The following GOLGA3 variants were observed in gnomAD, a reference collection of about 807,000 sequenced individuals.
GOLGA3 encodes the protein golgin A3, also known as golgin subfamily A member 3.
GOLGA3 carries 75 observed loss-of-function variants against 169.4 expected under a neutral mutation model. The ratio of observed to expected loss-of-function variants is 0.44; its 90% CI spans 0.37 to 0.54. The LOEUF is 0.54. Ranked by LOEUF, GOLGA3 falls within the 20% of genes least tolerant of loss-of-function variation. GOLGA3 has a pLI of 0.00. For synonymous variants in GOLGA3, 824 were observed against 822.4 expected, an observed-to-expected ratio of 1.00 and a Z score of -0.03; for missense variants, 1,899 against 1,930.0, an observed-to-expected ratio of 0.98 and a Z score of 0.30.
chr12:132,828,186 CG>C (rs1447917347), intron 1 of GOLGA3: 2 of 152,128 alleles, frequency 1.3e-5, no homozygotes, highest in Non-Finnish European at 2.9e-5. Context: ...CTTAGAGTAG[CG>C]GACCCCACCC....
In GOLGA3 at chr12:132,798,463, G is replaced by A; in HGVS notation, c.1815C>T (p.Thr605=). 6.2e-7 allele frequency: 1 copy of A among 1,609,090 alleles called. No homozygotes were observed. The highest frequency in any genetic ancestry group is 1.7e-5 in the Admixed American group (1 of 58,630). ...TCAGGTGCTCCAGGAGACCTGCCTG[G>A]GTCATCTGTCCAACCTTAAAAAAAA... is the stretch of plus-strand genomic sequence containing the variant. ...EMAHIQVGQM[T]QAGLLEHLKL... is the part of the protein sequence containing the mutation. Residue 605 remains threonine (T), a synonymous_variant, in exon 9 of 24, where the codon ACC becomes ACT. Transcript: ENST00000450791.
chr12:132,781,521 G>A (rs982777925), intron 17 of GOLGA3, among the ~76,000 whole-genome samples: 1 of 152,092 alleles, frequency 6.6e-6, no homozygotes, highest in African/African-American at 2.4e-5. Context: ...CTGCACTCCA[G>A]CCTGAGAGAC....
chr12:132,785,973 C>A (rs937871056), intron 15 of GOLGA3, among the ~76,000 whole-genome samples: 1 of 152,234 alleles, frequency 6.6e-6, no homozygotes, highest in African/African-American at 2.4e-5. Context: ...TCAGTGAGTG[C>A]GGAGGCTGCT....
intron 4 of GOLGA3, among the ~76,000 whole-genome samples, chr12:132,809,938 G>A (rs1949620345): frequency 6.6e-6 from 1 of 151,760 alleles, no homozygotes; most frequent in Admixed American, 6.6e-5. Context: ...TTATTTTTTT[G>A]GATAAACATA....
chr12:132,799,279 A>AG (rs2136503102), intron 8 of GOLGA3, among the ~76,000 whole-genome samples: 1 of 152,346 alleles, frequency 6.6e-6, no homozygotes, highest in African/African-American at 2.4e-5. Context: ...CTGGGAATGA[A>AG]GGGATACATT....
Position 132,789,179 on chromosome 12 carries a change from G to A in GOLGA3, c.2659C>T (p.Leu887=). The change falls in exon 13 of 24, where the codon CTG becomes TTG. Residue 887 remains leucine (L), a synonymous_variant. Transcript: ENST00000450791. ...DSELKELRQE[L]MQVHGEKRTA... is the part of the protein sequence containing the mutation. The stretch of plus-strand genomic sequence containing the variant: ...CGCTTCTCCCCGTGCACTTGCATCA[G>A]CTCCTGCCGCAGCTCCTTCAGCTCC... The A allele has an allele frequency of 6.2e-7, 1 of 1,611,830 alleles. No homozygotes were observed.
chr12:132,768,962 C>G lies in GOLGA3; in HGVS notation c.*4143G>C, dbSNP rs1264067404. The G allele has an allele frequency of 1.3e-5, 2 of 152,670 alleles. No individual in the cohort carries two copies. The highest frequency in any genetic ancestry group is 2.9e-5 in the Non-Finnish European group (2 of 68,050). The allele number at this position is 152,670 out of a possible 1,614,324, so 9.5% of individuals were successfully genotyped here. A position where few individuals can be genotyped will look rare whatever the true frequency, so the allele number is the denominator to read the frequency against. ...GCACAAAATTTAAGGAATTCCCAAG[C>G]ACACTTACATTTGTAAAAAATCAAC... On this transcript the variant is annotated 3_prime_UTR_variant, in exon 24 of 24. Coordinates refer to ENST00000450791, the MANE Select transcript of GOLGA3 (RefSeq NM_001389683.1).
rs769008679 is a variant in GOLGA3, at chr12:132,774,245, C to T, written c.4219G>A (p.Ala1407Thr). ...PIKIPDCPVPASLLEELLRPP... is the reference protein window; with the variant it reads ...PIKIPDCPVPTSLLEELLRPP... ...CTCAGCAGCTCCTCCAGCAGCGAGG[C>T]GGGAACTGGGCAGTCCGGGATCTTG... is the stretch of plus-strand genomic sequence containing the variant. The change falls in exon 23 of 24, where the codon GCC becomes ACC. Residue 1407 changes from alanine (A) to threonine (T), a missense_variant. By Grantham distance (58) the Ala-to-Thr change is moderately conservative. Transcript: ENST00000450791. The T allele has an allele frequency of 6.2e-6, 10 of 1,612,496 alleles. No homozygotes were observed. The highest frequency in any genetic ancestry group is 2.2e-5 in the East Asian group (1 of 44,890).
chr12:132,779,204 C>T (rs576043743), intron 18 of GOLGA3, among the ~76,000 whole-genome samples: 19 of 152,232 alleles, frequency 1.2e-4, no homozygotes, highest in African/African-American at 2.2e-4. Context: ...CTCAGCCTCC[C>T]GAGTAGCTGG....
chr12:132,769,931 A>G lies in GOLGA3; in HGVS notation c.*3174T>C, dbSNP rs1264024619. The G allele has an allele frequency of 2.0e-5, 3 of 152,192 alleles. No homozygotes were observed. Among genetic ancestry groups the G allele is most frequent in the African/African-American group, 7.2e-5 (3 of 41,440 alleles). The allele number at this position is 152,192 out of a possible 1,614,324, so 9.4% of individuals were successfully genotyped here. A position where few individuals can be genotyped will look rare whatever the true frequency, so the allele number is the denominator to read the frequency against. On this transcript the variant is annotated 3_prime_UTR_variant, in exon 24 of 24. Coordinates refer to ENST00000450791, the MANE Select transcript of GOLGA3 (RefSeq NM_001389683.1). Reference sequence around the variant, plus strand: ...TAAAAAAACCTCAACAATAAAAAAAAGCAATTTAAAAATCCAACTGCAGCC... The same window carrying G: ...TAAAAAAACCTCAACAATAAAAAAAGGCAATTTAAAAATCCAACTGCAGCC...
In GOLGA3 at chr12:132,816,575, A is replaced by G. The variant is rs1460082802; in HGVS notation, c.371T>C (p.Leu124Pro). The G allele has an allele frequency of 6.2e-7, 1 of 1,614,026 alleles. No homozygotes were observed. The highest frequency in any genetic ancestry group is 1.7e-4 in the Middle Eastern group (1 of 6,060). The change falls in exon 3 of 24, where the codon CTC (leucine) becomes CCC (proline). Residue 124 changes from leucine (L) to proline (P), a missense_variant. Coordinates refer to ENST00000450791, the MANE Select transcript of GOLGA3 (RefSeq NM_001389683.1). ...GSVRKEALQS[L>P]RLSLPMQETQ... ...TTCTTGCATAGGAAGACTGAGTCTG[A>G]GAGACTGCAAAGCTTCTTTTCTAAC...
intron 4 of GOLGA3, among the ~76,000 whole-genome samples, chr12:132,809,603 A>G (rs184451057): frequency 6.6e-6 from 1 of 152,324 alleles, no homozygotes; most frequent in African/African-American, 2.4e-5. Flanking sequence ...GTCTGGGCAT[A>G]ACAGAAGGCT....
At chr12:132,801,232 C>T (rs1949113291) in intron 8 of GOLGA3, among the ~76,000 whole-genome samples, 1 of 152,180 alleles carries the variant, frequency 6.6e-6, no homozygotes, top group Admixed American at 6.5e-5. Flanking sequence ...TCCAACAGGA[C>T]GTAGAAAATG....
intron 18 of GOLGA3, among the ~76,000 whole-genome samples, chr12:132,778,629 T>C (rs2045377008): frequency 6.6e-6 from 1 of 151,102 alleles, no homozygotes; most frequent in South Asian, 2.1e-4. Context: ...AATAAATACA[T>C]TTAAAAAATA....
chr12:132,805,061 C>G (rs777657359), intron 6 of GOLGA3, 39 bp from the exon 7 acceptor site: 4 of 1,580,308 alleles, frequency 2.5e-6, no homozygotes, highest in East Asian at 4.5e-5. Context: ...TTTAAGAAAA[C>G]GAGTCACTTC....
At chr12:132,783,286 T>C (rs1377658981) in intron 16 of GOLGA3, among the ~76,000 whole-genome samples, 1 of 142,492 alleles carries the variant, frequency 7.0e-6, no homozygotes, top group Non-Finnish European at 1.6e-5. Flanking sequence ...GTCGTGGTCA[T>C]GGTCAGTTGC....
Position 132,804,548 on chromosome 12 carries a change from G to A in GOLGA3, c.1597+168C>T, listed in dbSNP as rs918561481. Among the ~76,000 whole-genome samples the A allele has an allele frequency of 6.6e-6, 1 of 151,302 alleles. No homozygotes were observed. Among genetic ancestry groups the A allele is most frequent in the African/African-American group, 2.4e-5 (1 of 41,158 alleles). On this transcript the variant is annotated intron_variant, in intron 7 of 23. Coordinates refer to ENST00000450791, the MANE Select transcript of GOLGA3 (RefSeq NM_001389683.1). This position sits in a 1 kb window ranked among gnomAD's most constrained non-coding sequence, Gnocchi z 4.1. ...CAGTCAGGGAAGGAGGGCGTGGCGG[G>A]GACCAGTCGAGGAAGGAGGGAGCAG... is the stretch of plus-strand genomic sequence containing the variant.
At chr12:132,778,964 T>A (rs1257292704) in intron 18 of GOLGA3, among the ~76,000 whole-genome samples, 2 of 151,232 alleles carry the variant, frequency 1.3e-5, no homozygotes, top group South Asian at 4.2e-4. Flanking sequence ...TGGGGCACCG[T>A]GTGAGCCAGC....
At chr12:132,806,970 C>T (rs1309371294) in intron 6 of GOLGA3, among the ~76,000 whole-genome samples, 5 of 152,004 alleles carry the variant, frequency 3.3e-5, no homozygotes, top group African/African-American at 7.3e-5. Context: ...GGGAGAAACA[C>T]GCCCATGCAC....
Sources: gnomAD v4.1 joint callset for allele counts (sites outside exome capture counted in the v4.1 genomes callset) on GRCh38, gnomAD v4.1.1 for gene constraint, Gnocchi (gnomAD v3.1) non-coding constraint, MANE v1.5 for transcripts, NCBI Gene and HGNC (gene_info 2026-07-23, HGNC 2026-07-21) for gene names.